The following ARHGEF6 variants were observed in gnomAD, a reference collection of about 807,000 sequenced individuals.
The protein encoded by ARHGEF6 is rho guanine nucleotide exchange factor 6.
In ARHGEF6, 9 loss-of-function variants were observed where a neutral mutation model predicts 70.3. The ratio of observed to expected loss-of-function variants is 0.13; its 90% CI spans 0.08 to 0.22. The LOEUF (loss-of-function observed/expected upper bound fraction) is 0.22. Ranked by LOEUF, ARHGEF6 falls within the 10% of genes least tolerant of loss-of-function variation. The probability of loss-of-function intolerance (pLI) is 1.00; values close to 1 mark genes in which losing one functional copy is unlikely to be tolerated. For synonymous variants in ARHGEF6, 201 were observed against 207.8 expected (o/e 0.97, Z 0.28); for missense variants, 470 against 563.0 (o/e 0.83, Z 1.67).
intron 13 of ARHGEF6, 27 bp downstream of exon 13, chrX:136,682,731 T>C (rs1326864099): frequency 1.7e-6 from 2 of 1,150,167 alleles, no homozygotes; most frequent in Admixed American, 4.4e-5. Flanking sequence ...GGGGGTCTGC[T>C]ATGTGTTTTA....
chrX:136,668,241 CG>C, intron 21 of ARHGEF6, 72 bp from the exon 22 acceptor site: 1 of 1,142,971 alleles, frequency 8.7e-7, no homozygotes. Flanking sequence ...TGCTCATCCT[CG>C]GGGCAGCTTT....
chrX:136,740,515 G>C (rs1360231946), intron 5 of ARHGEF6, among the ~76,000 whole-genome samples: 1 of 111,723 alleles, frequency 9.0e-6, no homozygotes, highest in Non-Finnish European at 1.9e-5. Context: ...TTGACAGTTG[G>C]GTTAGATGCT....
At chrX:136,768,817 G>A (rs1252528070) in intron 2 of ARHGEF6, among the ~76,000 whole-genome samples, 3 of 111,162 alleles carry the variant, frequency 2.7e-5, no homozygotes, top group Non-Finnish European at 3.8e-5. Context: ...ATGGCAAATC[G>A]TCCATCCCAC....
intron 5 of ARHGEF6, among the ~76,000 whole-genome samples, chrX:136,742,397 T>TTTTA (rs1357848170): frequency 8.9e-6 from 1 of 112,035 alleles, no homozygotes; most frequent in Non-Finnish European, 1.9e-5. Flanking sequence ...GAGCCTAAAA[T>TTTTA]TTTATTAATT....
At chrX:136,719,078 T>C (rs752329140) in intron 6 of ARHGEF6, among the ~76,000 whole-genome samples, 1 of 107,190 alleles carries the variant, frequency 9.3e-6, no homozygotes, top group Non-Finnish European at 1.9e-5. Context: ...TTTATTGTAG[T>C]TGAGACTTCA....
At chrX:136,713,671 G>A (rs1176106661) in intron 6 of ARHGEF6, among the ~76,000 whole-genome samples, 1 of 111,737 alleles carries the variant, frequency 8.9e-6, no homozygotes, top group Non-Finnish European at 1.9e-5. Flanking sequence ...GTAGAGACAG[G>A]ATCTCTCTAT....
intron 20 of ARHGEF6, among the ~76,000 whole-genome samples, chrX:136,670,673 G>A (rs2076216324): frequency 1.8e-5 from 2 of 110,975 alleles, no homozygotes; most frequent in South Asian, 7.7e-4. Flanking sequence ...TAGCTTTGGG[G>A]CAGGAATGAA....
intron 2 of ARHGEF6, among the ~76,000 whole-genome samples, chrX:136,762,207 C>A (rs2077270271): frequency 8.9e-6 from 1 of 112,399 alleles, no homozygotes; most frequent in Non-Finnish European, 1.9e-5. Context: ...TGCCACCATG[C>A]CAGCCTGCCC....
At chrX:136,747,118 C>T (rs1301311648) in intron 3 of ARHGEF6, among the ~76,000 whole-genome samples, 1 of 111,146 alleles carries the variant, frequency 9.0e-6, no homozygotes, top group Admixed American at 9.6e-5. Context: ...TGGACAAAGG[C>T]ATACATAAAA....
chrX:136,759,405 C>T (rs999241511), intron 2 of ARHGEF6, among the ~76,000 whole-genome samples: 3 of 110,791 alleles, frequency 2.7e-5, no homozygotes, highest in East Asian at 2.8e-4. Context: ...TTTGGGAGGC[C>T]GAGGGGGGCG....
chrX:136,721,705 C>A (rs1364404061), intron 6 of ARHGEF6, among the ~76,000 whole-genome samples: 1 of 111,451 alleles, frequency 9.0e-6, no homozygotes, highest in African/African-American at 3.3e-5. Context: ...CACATGATCT[C>A]ATCATATGTG....
At chrX:136,744,157 C>G (rs753071121) in intron 4 of ARHGEF6, among the ~76,000 whole-genome samples, 1 of 111,688 alleles carries the variant, frequency 9.0e-6, no homozygotes, top group Admixed American at 9.5e-5. Flanking sequence ...AACACACAAA[C>G]AGTCCACATA....
chrX:136,687,603 AG>A (rs1437290226), intron 11 of ARHGEF6, among the ~76,000 whole-genome samples: 1 of 112,138 alleles, frequency 8.9e-6, no homozygotes, highest in Non-Finnish European at 1.9e-5. Flanking sequence ...GTGAATGATG[AG>A]TTACACAGAC....
rs756825513 is a variant in ARHGEF6 at position 136,686,625 on chromosome X, C to T, written c.1246-802G>A. On this transcript the variant is annotated intron_variant, in intron 11 of 21. Transcript: ENST00000250617. ...ATATATATATATATATATATATACA[C>T]ATATATATATATATATACACACATA... Among the ~76,000 whole-genome samples, 518 of 54,816 alleles carry T rather than the reference C, an allele frequency of 9.4e-3. 8 individuals are homozygous for T. The highest frequency in any genetic ancestry group is 0.039 in the African/African-American group (405 of 10,353). 47.6% of individuals were successfully genotyped at this position (54,816 alleles called of 115,157 possible).
At chrX:136,731,289 C>T (rs1569412834) in intron 6 of ARHGEF6, among the ~76,000 whole-genome samples, 1 of 111,684 alleles carries the variant, frequency 9.0e-6, no homozygotes, top group African/African-American at 3.3e-5. Flanking sequence ...AAAACTCTAT[C>T]CATGCACAAA....
chrX:136,681,833 C>T, intron 14 of ARHGEF6, 57 bp downstream of exon 14: 2 of 1,019,112 alleles, frequency 2.0e-6, no homozygotes, highest in South Asian at 3.8e-5. Flanking sequence ...TTATTAAATT[C>T]CCCTTCATTC....
intron 9 of ARHGEF6, among the ~76,000 whole-genome samples, chrX:136,697,102 C>T (rs1386690388): frequency 9.0e-6 from 1 of 111,147 alleles, no homozygotes; most frequent in Non-Finnish European, 1.9e-5. Context: ...CCAGAGGGTA[C>T]CCATGCTGCC....
chrX:136,728,759 G>A lies in ARHGEF6; in HGVS notation c.732+3343C>T, dbSNP rs73633848. Among the ~76,000 whole-genome samples the A allele has an allele frequency of 5.6e-3, 615 of 109,416 alleles. 6 individuals carry two copies. The highest frequency in any genetic ancestry group is 0.019 in the African/African-American group (565 of 30,028). ...GAGTGGGCTTCATCCAATCTGCTAA[G>A]GACCTGAATAGAACAAAAAGGTAGA... On this transcript the variant is annotated intron_variant, in intron 6 of 21. Transcript: ENST00000250617.
chrX:136,666,778 G>A lies in ARHGEF6; in HGVS notation c.*1251C>T, dbSNP rs1776812827. On this transcript the variant is annotated 3_prime_UTR_variant, in exon 22 of 22. Coordinates refer to ENST00000250617, the MANE Select transcript of ARHGEF6 (RefSeq NM_004840.3). ...CTGGTTTCTCACAGTTCTAGTTTCT[G>A]GGATAAAGTGGATGATGTGATTCAA... 1 of 111,606 alleles carries A rather than the reference G, an allele frequency of 9.0e-6. No individual in the cohort carries two copies. The highest frequency in any genetic ancestry group is 3.3e-5 in the African/African-American group (1 of 30,648). 9.2% of individuals were successfully genotyped at this position (111,606 alleles called of 1,213,427 possible).
Sources: gnomAD v4.1 joint callset for allele counts (sites outside exome capture counted in the v4.1 genomes callset) on GRCh38, gnomAD v4.1.1 for gene constraint, MANE v1.5 for transcripts, NCBI Gene and HGNC (gene_info 2026-07-23, HGNC 2026-07-21) for gene names.